Variants in SYT1 observed in about 807,000 individuals in gnomAD.
The protein encoded by SYT1 is synaptotagmin-1.
A neutral mutation model predicts 44.8 loss-of-function variants in SYT1; 8 were observed. That is an observed-to-expected ratio of 0.18 (90% CI 0.10 to 0.32). The LOEUF is 0.32. Ranked by LOEUF, SYT1 falls within the 10% of genes least tolerant of loss-of-function variation. The probability of loss-of-function intolerance (pLI) is 1.00; values close to 1 mark genes in which losing one functional copy is unlikely to be tolerated. For synonymous variants in SYT1, 154 were observed against 188.8 expected (o/e 0.82, Z 1.51); for missense variants, 286 against 509.3 (o/e 0.56, Z 4.22).
chr12:79,264,608 A>C (rs188154708), intron 4 of SYT1, among the ~76,000 whole-genome samples: 3 of 152,212 alleles, frequency 2.0e-5, no homozygotes, highest in Non-Finnish European at 4.4e-5. Flanking sequence ...GCATGTTGCC[A>C]ATGGAAAGAT....
chr12:79,298,173 A>G (rs541160553), intron 7 of SYT1, among the ~76,000 whole-genome samples: 1 of 152,224 alleles, frequency 6.6e-6, no homozygotes, highest in East Asian at 1.9e-4. Flanking sequence ...GTCTAGAGAG[A>G]TTTTAGATAT....
At chr12:79,205,538 A>G (rs1874072040) in intron 3 of SYT1, among the ~76,000 whole-genome samples, 1 of 152,342 alleles carries the variant, frequency 6.6e-6, no homozygotes, top group South Asian at 2.1e-4. Context: ...ATTAATGAAT[A>G]CGTTTTTAGT....
At chr12:79,356,565 C>T (rs936380552) in intron 9 of SYT1, among the ~76,000 whole-genome samples, 5 of 152,108 alleles carry the variant, frequency 3.3e-5, no homozygotes, top group Non-Finnish European at 5.9e-5. Context: ...GACCTATGTA[C>T]GAGGAGACCA....
intron 1 of SYT1, among the ~76,000 whole-genome samples, chr12:78,962,900 A>G (rs1170552142): frequency 6.6e-6 from 1 of 152,164 alleles, no homozygotes; most frequent in Non-Finnish European, 1.5e-5. Context: ...AGTTAACACA[A>G]TATCTCTAGA....
At chr12:79,422,721 C>T (rs1032804024) in intron 9 of SYT1, among the ~76,000 whole-genome samples, 1 of 152,016 alleles carries the variant, frequency 6.6e-6, no homozygotes, top group Admixed American at 6.6e-5. Flanking sequence ...CTTTGAACTA[C>T]ATTTTAATCC....
intron 1 of SYT1, among the ~76,000 whole-genome samples, chr12:78,942,607 G>A (rs533500966): frequency 3.3e-5 from 5 of 152,220 alleles, no homozygotes; most frequent in Admixed American, 1.3e-4. Flanking sequence ...TTGCTCTGTG[G>A]TTACCTATAT....
At chr12:78,894,248 A>G (rs1019876034) in intron 1 of SYT1, among the ~76,000 whole-genome samples, 3 of 146,860 alleles carry the variant, frequency 2.0e-5, no homozygotes, top group Non-Finnish European at 3.0e-5. Context: ...CAGTTGTTAC[A>G]GTATGTTTAT....
chr12:79,233,685 A>T (rs1360663220), intron 4 of SYT1, among the ~76,000 whole-genome samples: 1 of 152,092 alleles, frequency 6.6e-6, no homozygotes, highest in Non-Finnish European at 1.5e-5. Flanking sequence ...CTCTAATGCG[A>T]TTTACCTGGC....
intron 8 of SYT1, among the ~76,000 whole-genome samples, chr12:79,349,015 GAAAGAAAGAAAGAAAGAA>G (rs1350284922): frequency 2.6e-5 from 3 of 113,992 alleles, no homozygotes; most frequent in East Asian, 2.9e-4. Flanking sequence ...AAGAAAGAAA[GAAAGAAAGAAAGAAAGAA>G]AAAGAAAGAA....
chr12:79,267,785 G>C (rs1448561006), intron 4 of SYT1, among the ~76,000 whole-genome samples: 2 of 152,114 alleles, frequency 1.3e-5, no homozygotes, highest in African/African-American at 4.8e-5. Flanking sequence ...GCAAGCTCCT[G>C]GGCTGACTGT....
intron 3 of SYT1, among the ~76,000 whole-genome samples, chr12:79,113,177 G>A (rs1049526741): frequency 6.6e-6 from 1 of 152,090 alleles, no homozygotes; most frequent in African/African-American, 2.4e-5. Context: ...AATGTTTTAT[G>A]TATGGTGTCC....
intron 4 of SYT1, among the ~76,000 whole-genome samples, chr12:79,271,914 A>G (rs1465832973): frequency 6.6e-6 from 1 of 152,170 alleles, no homozygotes; most frequent in East Asian, 1.9e-4. Flanking sequence ...GCACACATTT[A>G]TCTCTTTTTT....
rs1471334225 is a variant in SYT1, at chr12:79,310,489, T to C, written c.810+10938T>C. ...TTGTTCTTTTGGCTTAGGATTGACTTGGCAATGCAGGCTCTTTTGGTTCCA... is the reference window on the plus strand; with the variant it reads ...TTGTTCTTTTGGCTTAGGATTGACTCGGCAATGCAGGCTCTTTTGGTTCCA... On this transcript the variant is annotated intron_variant, in intron 8 of 10. Transcript: ENST00000261205. 2.0e-5 allele frequency among the ~76,000 whole-genome samples: 3 copies of C among 152,138 alleles called. No homozygotes were observed. The East Asian group carries it at 5.8e-4, about 29-fold the overall frequency.
intron 4 of SYT1, among the ~76,000 whole-genome samples, chr12:79,241,248 A>G (rs1198545204): frequency 1.4e-5 from 2 of 141,712 alleles, no homozygotes; most frequent in Non-Finnish European, 3.0e-5. Context: ...CTGAGGAATG[A>G]TTTGCACTGG....
intron 3 of SYT1, among the ~76,000 whole-genome samples, chr12:79,095,523 C>T (rs1231317993): frequency 6.6e-6 from 1 of 151,630 alleles, no homozygotes; most frequent in African/African-American, 2.4e-5. Flanking sequence ...TTATTTATTA[C>T]AAAAGTGATT....
intron 3 of SYT1, among the ~76,000 whole-genome samples, chr12:79,067,860 A>G (rs1372048213): frequency 2.0e-5 from 3 of 152,234 alleles, no homozygotes; most frequent in Non-Finnish European, 4.4e-5. Flanking sequence ...GACTCAGAAT[A>G]TATTTGTTCA....
chr12:79,146,884 A>G (rs956496402), intron 3 of SYT1, among the ~76,000 whole-genome samples: 3 of 152,102 alleles, frequency 2.0e-5, no homozygotes, highest in Non-Finnish European at 2.9e-5. Context: ...TCTGTCGCCC[A>G]GGCTAGAGCA....
chr12:79,245,574 A>G (rs1876802173), intron 4 of SYT1, among the ~76,000 whole-genome samples: 1 of 151,920 alleles, frequency 6.6e-6, no homozygotes, highest in South Asian at 2.1e-4. Flanking sequence ...GAAAAATATA[A>G]TGGCAAAGCA....
At chr12:79,273,852 G>A (rs1592919926) in intron 4 of SYT1, among the ~76,000 whole-genome samples, 1 of 152,220 alleles carries the variant, frequency 6.6e-6, no homozygotes, top group Non-Finnish European at 1.5e-5. Context: ...TTGGAAGGCC[G>A]ATGCTGGCAG....
Sources: gnomAD v4.1 joint callset for allele counts (sites outside exome capture counted in the v4.1 genomes callset) on GRCh38, gnomAD v4.1.1 for gene constraint, MANE v1.5 for transcripts, NCBI Gene and HGNC (gene_info 2026-07-23, HGNC 2026-07-21) for gene names.